The following OSBPL1A variants were observed in gnomAD, a reference collection of about 807,000 sequenced individuals.
OSBPL1A encodes oxysterol-binding protein-related protein 1.
OSBPL1A carries 80 observed loss-of-function variants against 137.1 expected under a neutral mutation model. The observed-to-expected ratio is 0.58, with a 90% CI of 0.49 to 0.70. The LOEUF (loss-of-function observed/expected upper bound fraction) is 0.70, where lower values mean the gene tolerates loss of function less well. OSBPL1A is among the 30% of genes least tolerant of loss of function. The pLI is 0.00. For missense variants in OSBPL1A, 970 were observed against 1,129.4 expected (o/e 0.86, Z 2.02); for synonymous variants, 365 against 389.7 (o/e 0.94, Z 0.75).
At chr18:24,167,707 T>C (rs1428273295) in intron 24 of OSBPL1A, among the ~76,000 whole-genome samples, 1 of 152,226 alleles carries the variant, frequency 6.6e-6, no homozygotes, top group Non-Finnish European at 1.5e-5. Context: ...TAAAAATACA[T>C]ACACGATCTT....
intron 24 of OSBPL1A, among the ~76,000 whole-genome samples, chr18:24,169,670 C>A (rs1350297633): frequency 6.6e-6 from 1 of 152,196 alleles, no homozygotes; most frequent in Non-Finnish European, 1.5e-5. Flanking sequence ...GTCTTGGTTA[C>A]TGGAAAGGAA....
chr18:24,372,958 G>A (rs1905783881), intron 2 of OSBPL1A, among the ~76,000 whole-genome samples: 1 of 152,092 alleles, frequency 6.6e-6, no homozygotes, highest in Admixed American at 6.5e-5. Flanking sequence ...CAGCTACTTG[G>A]GAGGCTGAGG....
At chr18:24,396,992 G>T (rs766824724) in intron 1 of OSBPL1A, among the ~76,000 whole-genome samples, 11 of 152,206 alleles carry the variant, frequency 7.2e-5, no homozygotes, top group Non-Finnish European at 1.5e-4. Context: ...TTTAAGCTAA[G>T]AATATCACAC....
At chr18:24,234,469 T>C (rs1398235812) in intron 16 of OSBPL1A, among the ~76,000 whole-genome samples, 1 of 152,200 alleles carries the variant, frequency 6.6e-6, no homozygotes, top group Non-Finnish European at 1.5e-5. Context: ...TTATGGAGTT[T>C]TATGAAATGT....
At chr18:24,317,596 C>A (rs538753068) in intron 9 of OSBPL1A, among the ~76,000 whole-genome samples, 196 bp from the exon 10 acceptor site, 1 of 152,238 alleles carries the variant, frequency 6.6e-6, no homozygotes, top group South Asian at 2.1e-4. Context: ...GTGACAGGAA[C>A]AGCAGAAATG....
chr18:24,231,703 C>T (rs1599534123), intron 16 of OSBPL1A, among the ~76,000 whole-genome samples: 2 of 152,320 alleles, frequency 1.3e-5, no homozygotes, highest in East Asian at 1.9e-4. Context: ...TGGCTATTGC[C>T]GGCTTATGGT....
At chr18:24,314,979 G>A (rs2730015) in intron 11 of OSBPL1A, among the ~76,000 whole-genome samples, 3,653 of 152,204 alleles carry the variant, frequency 0.024, 158 homozygotes, top group African/African-American at 0.084. Context: ...AATGGGAAAA[G>A]GTAGATTTCT....
chr18:24,287,498 C>G (rs2090086255), intron 14 of OSBPL1A, among the ~76,000 whole-genome samples: 1 of 152,118 alleles, frequency 6.6e-6, no homozygotes, highest in South Asian at 2.1e-4. Context: ...GTAGGCCAGG[C>G]ATGGTGGCTC....
rs1310884730 is a variant in OSBPL1A at position 24,209,153 on chromosome 18, CAACT to C, written c.1602-12957_1602-12954del. Among the ~76,000 whole-genome samples, 3 of 152,166 alleles carry C rather than the reference CAACT, an allele frequency of 2.0e-5. No individual in the cohort carries two copies. In the East Asian group the frequency reaches 5.8e-4, roughly 29 times the overall value. On this transcript the variant is annotated intron_variant, in intron 17 of 27. Transcript: ENST00000319481. ...TTAAAGAAATGAAAGGGCAAGCTAC[CAACT>C]AAGAGAAAATACTCATGATACGTGT... is the stretch of plus-strand genomic sequence containing the variant.
intron 1 of OSBPL1A, among the ~76,000 whole-genome samples, chr18:24,386,038 G>T (rs1384120400): frequency 6.6e-6 from 1 of 152,120 alleles, no homozygotes; most frequent in East Asian, 1.9e-4. Flanking sequence ...TGGTTAAGGG[G>T]CAGGGAGCCA....
chr18:24,313,220 A>T (rs2090657536), intron 12 of OSBPL1A, among the ~76,000 whole-genome samples: 1 of 151,936 alleles, frequency 6.6e-6, no homozygotes, highest in African/African-American at 2.4e-5. Context: ...AGGTGGGCGG[A>T]TCACAAGGTC....
rs144134593 is a variant in OSBPL1A, at chr18:24,225,047, T to C, written c.1596A>G (p.Lys532=). 3.7e-6 allele frequency: 6 copies of C among 1,614,046 alleles called. No homozygotes were observed. The African/African-American group carries it at 8.0e-5, about 22-fold the overall frequency. Reference sequence around the variant, plus strand: ...ACTGTCAGAGGCGATCCTACCTGTGTTTCTTGATGCCATTGGAGAGAGCAT... The same window carrying C: ...ACTGTCAGAGGCGATCCTACCTGTGCTTCTTGATGCCATTGGAGAGAGCAT... ...GGDALSNGIK[K]HRTSLPSPMF... is the part of the protein sequence containing the mutation. The change falls in exon 17 of 28, where the codon AAA becomes AAG. Residue 532 remains lysine, a synonymous_variant. Transcript: ENST00000319481.
intron 21 of OSBPL1A, among the ~76,000 whole-genome samples, chr18:24,173,860 T>G (rs906211231): frequency 1.3e-5 from 2 of 152,248 alleles, no homozygotes; most frequent in Admixed American, 1.3e-4. Flanking sequence ...ACAAACACTT[T>G]GTTCATACTT....
At chr18:24,221,421 A>C (rs1290675292) in intron 17 of OSBPL1A, among the ~76,000 whole-genome samples, 1 of 152,248 alleles carries the variant, frequency 6.6e-6, no homozygotes, top group Non-Finnish European at 1.5e-5. Context: ...GTTCTTAGCC[A>C]CATTTATTAC....
chr18:24,237,250 C>T (rs977553146), intron 16 of OSBPL1A, among the ~76,000 whole-genome samples: 5 of 152,060 alleles, frequency 3.3e-5, no homozygotes, highest in African/African-American at 1.2e-4. Context: ...TTCTCACATA[C>T]TTTTATATGG....
At chr18:24,296,178 T>C (rs559292429) in intron 14 of OSBPL1A, among the ~76,000 whole-genome samples, 2 of 152,334 alleles carry the variant, frequency 1.3e-5, no homozygotes, top group African/African-American at 2.4e-5. Context: ...CTATGATTTC[T>C]TTCAGCAGTG....
chr18:24,220,507 C>T (rs1176998448), intron 17 of OSBPL1A, among the ~76,000 whole-genome samples: 1 of 152,188 alleles, frequency 6.6e-6, no homozygotes, highest in Admixed American at 6.5e-5. Context: ...TCTTGGGGAA[C>T]CACTGTTCCC....
chr18:24,166,279 GC>G (rs879337194), intron 26 of OSBPL1A, among the ~76,000 whole-genome samples: 4 of 152,128 alleles, frequency 2.6e-5, no homozygotes, highest in Non-Finnish European at 5.9e-5. Flanking sequence ...CTGACAAGGT[GC>G]TATGTAAATT....
At chr18:24,372,994 G>A (rs998724704) in intron 2 of OSBPL1A, among the ~76,000 whole-genome samples, 8 of 152,122 alleles carry the variant, frequency 5.3e-5, no homozygotes, top group Admixed American at 5.2e-4. Context: ...AACCCAAGAG[G>A]AGGTGGAGGT....
Sources: gnomAD v4.1 joint callset for allele counts (sites outside exome capture counted in the v4.1 genomes callset) on GRCh38, gnomAD v4.1.1 for gene constraint, MANE v1.5 for transcripts, NCBI Gene and HGNC (gene_info 2026-07-23, HGNC 2026-07-21) for gene names.